Variants in ZNF292 observed in about 807,000 individuals in gnomAD.
ZNF292 encodes the protein zinc finger protein 292, also known as 16 zinc-finger domain protein.
A neutral mutation model predicts 217.9 loss-of-function variants in ZNF292; 26 were observed. That is an observed-to-expected ratio of 0.12 (90% CI 0.09 to 0.17). The LOEUF (loss-of-function observed/expected upper bound fraction) is 0.17. ZNF292 is among the 10% of genes least tolerant of loss of function. The pLI, the probability that ZNF292 is intolerant of heterozygous loss-of-function variation, is 1.00. For synonymous variants in ZNF292, 1,257 were observed against 1,124.1 expected, an observed-to-expected ratio of 1.12 and a Z score of -2.37; for missense variants, 2,904 against 3,175.2, an observed-to-expected ratio of 0.91 and a Z score of 2.05.
chr6:87,160,789 T>C (rs936356645), intron 1 of ZNF292, among the ~76,000 whole-genome samples: 1 of 152,094 alleles, frequency 6.6e-6, no homozygotes, highest in African/African-American at 2.4e-5. Context: ...CTTAGAAATA[T>C]GTGGGATCAG....
Position 87,159,350 on chromosome 6 carries a change from C to T in ZNF292, c.168+3591C>T, listed in dbSNP as rs537054556. Among the ~76,000 whole-genome samples the T allele has an allele frequency of 9.9e-5, 15 of 151,724 alleles. No homozygotes were observed. The East Asian group carries it at 2.5e-3, about 25-fold the overall frequency. On this transcript the variant is annotated intron_variant, in intron 1 of 7. Coordinates refer to ENST00000369577, the MANE Select transcript of ZNF292 (RefSeq NM_015021.3). ...TAGAGGATGGGCATAGTAGAGCGCC[C>T]GTCATAAATTTTAAATTTTTTTATA...
intron 1 of ZNF292, among the ~76,000 whole-genome samples, chr6:87,181,221 G>A (rs1490314815): frequency 6.6e-6 from 1 of 152,148 alleles, no homozygotes; most frequent in African/African-American, 2.4e-5. Context: ...TCACACGCAG[G>A]CTCGAAGGAT....
At chr6:87,201,072 A>T (rs1772086506) in intron 1 of ZNF292, among the ~76,000 whole-genome samples, 1 of 152,218 alleles carries the variant, frequency 6.6e-6, no homozygotes, top group African/African-American at 2.4e-5. Context: ...GAGAGAGATG[A>T]TATAAAGGCA....
chr6:87,246,752 C>T (rs1206304891), intron 7 of ZNF292, among the ~76,000 whole-genome samples: 1 of 152,128 alleles, frequency 6.6e-6, no homozygotes, highest in African/African-American at 2.4e-5. Flanking sequence ...CCTGTAGTCC[C>T]TGCTGAGGTG....
At chr6:87,240,621 A>G (rs112764154) in intron 5 of ZNF292, among the ~76,000 whole-genome samples, 12,427 of 152,054 alleles carry the variant, frequency 0.082, 863 homozygotes, top group African/African-American at 0.19. Context: ...GGGTTTCACT[A>G]TGTTGGTCAG....
rs1429130763 is a variant in ZNF292 at position 87,265,897 on chromosome 6, G to A, written c.*4096G>A. On this transcript the variant is annotated 3_prime_UTR_variant, in exon 8 of 8. Transcript: ENST00000369577. ...TCAAGTAATGCTCATTGAATTTCAA[G>A]TAATTGTGATTAAACGTTGATTAAA... is the stretch of plus-strand genomic sequence containing the variant. Among the ~76,000 whole-genome samples the A allele has an allele frequency of 6.6e-6, 1 of 152,174 alleles. No homozygotes were observed. The highest frequency in any genetic ancestry group is 1.5e-5 in the Non-Finnish European group (1 of 68,026).
At position 87,259,796 on chromosome 6, in the gene ZNF292, C is replaced by A. The variant is rs1775457951; in HGVS notation, c.6167C>A (p.Ser2056Tyr). ...AAAAGTCCTGACAAAACAGAAAGTTCTTTACAAGTGATTACAGTTACTTCA... is the reference window on the plus strand; with the variant it reads ...AAAAGTCCTGACAAAACAGAAAGTTATTTACAAGTGATTACAGTTACTTCA... Reference protein sequence around the residue: ...EKKSPDKTESSLQVITVTSEQ... With the variant: ...EKKSPDKTESYLQVITVTSEQ... Residue 2056 changes from serine to tyrosine, a missense_variant, in exon 8 of 8, where the codon TCT becomes TAT. Around this residue, in one of 15 missense-constraint regions of ZNF292, gnomAD observed 261 missense variants for 272.8 expected, o/e 0.96. Transcript: ENST00000369577. The A allele has an allele frequency of 1.9e-6, 3 of 1,607,860 alleles. No homozygotes were observed. Among genetic ancestry groups the A allele is most frequent in the Admixed American group, 1.7e-5 (1 of 58,760 alleles).
At position 87,259,828 on chromosome 6, in the gene ZNF292, T is replaced by A. The variant is rs1775460744; in HGVS notation, c.6199T>A (p.Cys2067Ser). The A allele has an allele frequency of 6.2e-7, 1 of 1,612,024 alleles. No homozygotes were observed. Among genetic ancestry groups the A allele is most frequent in the Non-Finnish European group, 8.5e-7 (1 of 1,179,098 alleles). ...LQVITVTSEQ[C>S]NTNALTNTQT... Reference sequence around the variant, plus strand: ...AGTGATTACAGTTACTTCAGAACAATGTAATACAAATGCACTCACAAACAC... The same window carrying A: ...AGTGATTACAGTTACTTCAGAACAAAGTAATACAAATGCACTCACAAACAC... Residue 2067 changes from cysteine (C) to serine (S), a missense_variant, in exon 8 of 8, where the codon TGT becomes AGT. This residue lies in a region of ZNF292 where 261 missense variants were observed against 272.8 expected (regional missense o/e 0.96). Coordinates refer to ENST00000369577, the MANE Select transcript of ZNF292 (RefSeq NM_015021.3).
rs1026476569 is a variant in ZNF292, at chr6:87,159,775, G to A, written c.168+4016G>A. Among the ~76,000 whole-genome samples, 6 of 152,096 alleles carry A rather than the reference G, an allele frequency of 3.9e-5. No individual in the cohort carries two copies. In the East Asian group the frequency reaches 7.7e-4, roughly 20 times the overall value. On this transcript the variant is annotated intron_variant, in intron 1 of 7. Coordinates refer to ENST00000369577, the MANE Select transcript of ZNF292 (RefSeq NM_015021.3). ...ATTACAGGCGTGAGCCACCACGCCC[G>A]GCCCTGTCTCAGCCTTCTAAGTAGC...
Position 87,255,634 on chromosome 6 carries a change from G to C in ZNF292, c.2005G>C (p.Val669Leu), listed in dbSNP as rs1162847497. ...CAAAGATAAATCCTATGAGCCAGAAGTGATTCCAGTCCAGAAACCAGTACC... is the reference window on the plus strand; with the variant it reads ...CAAAGATAAATCCTATGAGCCAGAACTGATTCCAGTCCAGAAACCAGTACC... ...DDKDKSYEPEVIPVQKPVPVN... is the reference protein window; with the variant it reads ...DDKDKSYEPELIPVQKPVPVN... The change falls in exon 8 of 8, where the codon GTG (valine) becomes CTG (leucine). Residue 669 changes from valine (V) to leucine (L), a missense_variant. Around this residue, in one of 15 missense-constraint regions of ZNF292, gnomAD observed 216 missense variants for 308.3 expected, o/e 0.70. Transcript: ENST00000369577. 1 of 1,612,884 alleles carries C rather than the reference G, an allele frequency of 6.2e-7. No individual in the cohort carries two copies. The highest frequency in any genetic ancestry group is 2.2e-5 in the East Asian group (1 of 44,866).
chr6:87,188,556 G>A (rs1771730325), intron 1 of ZNF292, among the ~76,000 whole-genome samples: 2 of 152,098 alleles, frequency 1.3e-5, no homozygotes, highest in Admixed American at 6.5e-5. Flanking sequence ...TGGAAGGATA[G>A]AGGAGAGCAA....
At chr6:87,243,414 A>G in intron 5 of ZNF292, 61 bp from the exon 6 acceptor site, 2 of 1,368,788 alleles carry the variant, frequency 1.5e-6, no homozygotes, top group Non-Finnish European at 1.9e-6. Flanking sequence ...CTAAAGGTAT[A>G]TTGCTCTATA....
rs1775350031 is a variant in ZNF292 at position 87,258,272 on chromosome 6, C to T, written c.4643C>T (p.Thr1548Ile). The T allele has an allele frequency of 6.2e-7, 1 of 1,613,328 alleles. No individual in the cohort carries two copies. Among genetic ancestry groups the T allele is most frequent in the Non-Finnish European group, 8.5e-7 (1 of 1,179,666 alleles). ...GTATGCCATCCAAACACCTTGCTGA[C>T]CAACCAGAATAGGACGTCAAACTCC... is the stretch of plus-strand genomic sequence containing the variant. ...HTVCHPNTLLTNQNRTSNSKT... is the reference protein window; with the variant it reads ...HTVCHPNTLLINQNRTSNSKT... The change falls in exon 8 of 8, where the codon ACC (threonine) becomes ATC (isoleucine). Residue 1548 changes from threonine to isoleucine, a missense_variant. Physicochemically the swap from Thr to Ile is moderately conservative, Grantham distance 89 (BLOSUM62 -1). Coordinates refer to ENST00000369577, the MANE Select transcript of ZNF292 (RefSeq NM_015021.3).
intron 1 of ZNF292, among the ~76,000 whole-genome samples, chr6:87,199,613 G>A (rs1212067569): frequency 6.6e-6 from 1 of 152,156 alleles, no homozygotes; most frequent in Non-Finnish European, 1.5e-5. Flanking sequence ...TGGGTTTTGT[G>A]TATGATGCAA....
intron 1 of ZNF292, among the ~76,000 whole-genome samples, chr6:87,188,051 A>G (rs1451985043): frequency 6.6e-6 from 1 of 152,208 alleles, no homozygotes; most frequent in Non-Finnish European, 1.5e-5. Flanking sequence ...ATTGGCAATT[A>G]ATTCAAAATA....
chr6:87,161,618 A>G (rs986875783), intron 1 of ZNF292, among the ~76,000 whole-genome samples: 6 of 152,144 alleles, frequency 3.9e-5, no homozygotes, highest in Admixed American at 2.0e-4. Flanking sequence ...ATCTCCCTAC[A>G]TTGCCCAGGT....
rs144271088 is a variant in ZNF292 at position 87,193,693 on chromosome 6, A to G, written c.169-22210A>G. Among the ~76,000 whole-genome samples the G allele has an allele frequency of 2.8e-3, 421 of 152,348 alleles. 4 individuals are homozygous for G. Among genetic ancestry groups the G allele is most frequent in the African/African-American group, 8.3e-3 (347 of 41,578 alleles). ...CCCTCCGAGGGTAATAAGACAGCTC[A>G]GTGTGCACAACCTTTGTTTCATGCA... is the stretch of plus-strand genomic sequence containing the variant. On this transcript the variant is annotated intron_variant, in intron 1 of 7. Transcript: ENST00000369577.
chr6:87,241,772 A>G (rs1582485232), intron 5 of ZNF292, among the ~76,000 whole-genome samples: 1 of 152,176 alleles, frequency 6.6e-6, no homozygotes, highest in East Asian at 1.9e-4. Context: ...TGGCTTAACC[A>G]CTTAACTAGC....
chr6:87,252,036 GA>G (rs1774944481), intron 7 of ZNF292, among the ~76,000 whole-genome samples: 1 of 152,042 alleles, frequency 6.6e-6, no homozygotes, highest in Non-Finnish European at 1.5e-5. Context: ...CATTCCTGGA[GA>G]AAAGGCTCAA....
Sources: gnomAD v4.1 joint callset for allele counts (sites outside exome capture counted in the v4.1 genomes callset) on GRCh38, gnomAD v4.1.1 for gene constraint, gnomAD v4.1.1 regional missense constraint, MANE v1.5 for transcripts, NCBI Gene and HGNC (gene_info 2026-07-23, HGNC 2026-07-21) for gene names.